Variants in FAM168B observed in about 807,000 individuals in gnomAD.
FAM168B encodes myelin-associated neurite-outgrowth inhibitor.
A neutral mutation model predicts 21.8 loss-of-function variants in FAM168B; 19 were observed. The observed-to-expected ratio is 0.87, with a 90% CI of 0.61 to 1.28. FAM168B has a LOEUF of 1.28. FAM168B is among the 50% of genes most tolerant of loss of function. The pLI is 0.00. For missense variants in FAM168B, 233 were observed against 263.1 expected (o/e 0.89, Z 0.79); for synonymous variants, 126 against 104.8 (o/e 1.20, Z -1.24).
intron 3 of FAM168B, among the ~76,000 whole-genome samples, chr2:131,069,860 C>CT (rs577329026): frequency 5.5e-4 from 76 of 139,448 alleles, no homozygotes; most frequent in South Asian, 1.4e-3. Context: ...CCTCATCAAA[C>CT]TTTTTTTTTT....
At chr2:131,056,891 C>G (rs140387147) in intron 3 of FAM168B, among the ~76,000 whole-genome samples, 1 of 152,294 alleles carries the variant, frequency 6.6e-6, no homozygotes, top group Admixed American at 6.5e-5. Flanking sequence ...TCATCAAAAC[C>G]CCAGCAATGG....
At chr2:131,061,247 G>A (rs1297354360) in intron 3 of FAM168B, among the ~76,000 whole-genome samples, 1 of 147,570 alleles carries the variant, frequency 6.8e-6, no homozygotes, top group East Asian at 2.1e-4. Flanking sequence ...ATGAGCCCAG[G>A]AGTTGAGACG....
chr2:131,078,988 A>C (rs1282948099), intron 2 of FAM168B, among the ~76,000 whole-genome samples: 5 of 147,496 alleles, frequency 3.4e-5, no homozygotes, highest in African/African-American at 7.4e-5. Context: ...CCCTTTCACA[A>C]AAAAAAAAAA....
At chr2:131,089,980 C>A (rs1462101737) in intron 1 of FAM168B, among the ~76,000 whole-genome samples, 1 of 150,906 alleles carries the variant, frequency 6.6e-6, no homozygotes, top group Non-Finnish European at 1.5e-5. Context: ...TTCAGTGAGC[C>A]GAGATCATAC....
Position 131,051,088 on chromosome 2 carries a change from C to T in FAM168B, c.*1377G>A. On this transcript the variant is annotated 3_prime_UTR_variant, in exon 7 of 7. Transcript: ENST00000389915. Reference sequence around the variant, plus strand: ...AATAAACCCTGCCAGCAAACGCACTCCAGCACTGCCTGGCCCTCTCTGCTG... The same window carrying T: ...AATAAACCCTGCCAGCAAACGCACTTCAGCACTGCCTGGCCCTCTCTGCTG... 7 of 985,468 alleles carry T rather than the reference C, an allele frequency of 7.1e-6. No homozygotes were observed. Among genetic ancestry groups the T allele is most frequent in the Non-Finnish European group, 8.4e-6 (7 of 829,970 alleles). 61.0% of individuals were successfully genotyped at this position (985,468 alleles called of 1,614,324 possible). A position where few individuals can be genotyped will look rare whatever the true frequency, so the allele number is the denominator to read the frequency against.
In FAM168B at chr2:131,051,638, A is replaced by T. The variant is rs1691683805; in HGVS notation, c.*827T>A. 1.0e-6 allele frequency: 1 copy of T among 985,276 alleles called. No individual in the cohort carries two copies. Among genetic ancestry groups the T allele is most frequent in the Non-Finnish European group, 1.2e-6 (1 of 829,918 alleles). 61.0% of individuals were successfully genotyped at this position (985,276 alleles called of 1,614,324 possible). A position where few individuals can be genotyped will look rare whatever the true frequency, so the allele number is the denominator to read the frequency against. Reference sequence around the variant, plus strand: ...TCCAATAAAGACATATAAAAACATCATCTCTCTAAGAGAACTGTAATGAAA... The same window carrying T: ...TCCAATAAAGACATATAAAAACATCTTCTCTCTAAGAGAACTGTAATGAAA... On this transcript the variant is annotated 3_prime_UTR_variant, in exon 7 of 7. Coordinates refer to ENST00000389915, the MANE Select transcript of FAM168B (RefSeq NM_001009993.4).
At position 131,072,082 on chromosome 2, in the gene FAM168B, C is replaced by T. The variant is rs895718886; in HGVS notation, c.71-144G>A. The T allele has an allele frequency of 2.7e-5, 18 of 664,922 alleles. 1 individual carries two copies. The highest frequency in any genetic ancestry group is 4.8e-5 in the Non-Finnish European group (18 of 377,614). 41.2% of individuals were successfully genotyped at this position (664,922 alleles called of 1,614,324 possible). ...CAAGAGCACTATGTGTGGCCAACAG[C>T]ATGTCTCTAGTTGTCTTCTTCCCGC... On this transcript the variant is annotated intron_variant, in intron 2 of 6. Transcript: ENST00000389915.
At chr2:131,065,050 A>G (rs1010052199) in intron 3 of FAM168B, among the ~76,000 whole-genome samples, 3 of 152,240 alleles carry the variant, frequency 2.0e-5, no homozygotes, top group African/African-American at 7.2e-5. Context: ...AGCCGTGAAC[A>G]GTGCTGATGC....
intron 2 of FAM168B, among the ~76,000 whole-genome samples, chr2:131,082,002 C>A (rs1693454000): frequency 6.6e-6 from 1 of 152,174 alleles, no homozygotes; most frequent in Non-Finnish European, 1.5e-5. Flanking sequence ...AAGGGAACAA[C>A]CATTTGCTAT....
At chr2:131,091,010 G>A (rs959407574) in intron 1 of FAM168B, among the ~76,000 whole-genome samples, 5 of 152,198 alleles carry the variant, frequency 3.3e-5, no homozygotes, top group African/African-American at 9.6e-5. Context: ...CATTACAGGC[G>A]TGAGCCACCA....
At chr2:131,090,486 T>C (rs75827373) in intron 1 of FAM168B, among the ~76,000 whole-genome samples, 4,225 of 151,956 alleles carry the variant, frequency 0.028, 197 homozygotes, top group African/African-American at 0.096. Flanking sequence ...TTTTAAGAGG[T>C]TTAGATTCAC....
In FAM168B at chr2:131,050,804, G is replaced by C. The variant is rs11691178; in HGVS notation, c.*1661C>G. 1.0e-6 allele frequency: 1 copy of C among 985,366 alleles called. No individual in the cohort carries two copies. The highest frequency in any genetic ancestry group is 1.2e-6 in the Non-Finnish European group (1 of 829,972). 61.0% of individuals were successfully genotyped at this position (985,366 alleles called of 1,614,324 possible). On this transcript the variant is annotated 3_prime_UTR_variant, in exon 7 of 7. Transcript: ENST00000389915. ...CCTGACCCAGCTACCAGCAAATGAAGAGGAGCAGAGCCCCCTCCCCACCAG... is the reference window on the plus strand; with the variant it reads ...CCTGACCCAGCTACCAGCAAATGAACAGGAGCAGAGCCCCCTCCCCACCAG...
chr2:131,063,690 C>T (rs892608218), intron 3 of FAM168B, among the ~76,000 whole-genome samples: 2 of 152,144 alleles, frequency 1.3e-5, no homozygotes, highest in African/African-American at 4.8e-5. Flanking sequence ...GCAGGAGGAT[C>T]GCTCATTGAG....
At chr2:131,070,170 C>T (rs1473481029) in intron 3 of FAM168B, among the ~76,000 whole-genome samples, 1 of 152,102 alleles carries the variant, frequency 6.6e-6, no homozygotes, top group Non-Finnish European at 1.5e-5. Context: ...ACTTTTAAAA[C>T]CCCTGCTCTT....
intron 2 of FAM168B, among the ~76,000 whole-genome samples, chr2:131,074,166 G>A (rs1693021087): frequency 6.6e-6 from 1 of 152,066 alleles, no homozygotes; most frequent in Non-Finnish European, 1.5e-5. Flanking sequence ...GTCTCGCTCT[G>A]TTGCCAGGCT....
chr2:131,085,280 T>A (rs1693632582), intron 1 of FAM168B, among the ~76,000 whole-genome samples: 1 of 152,136 alleles, frequency 6.6e-6, no homozygotes, highest in Admixed American at 6.6e-5. Context: ...TAAGGTTCCA[T>A]CTCTGAAAAA....
In FAM168B at chr2:131,055,390, G is replaced by T. The variant is rs1460367046; in HGVS notation, c.357C>A (p.Thr119=). Residue 119 remains threonine, a synonymous_variant, in exon 5 of 7, where the codon ACC becomes ACA. Coordinates refer to ENST00000389915, the MANE Select transcript of FAM168B (RefSeq NM_001009993.4). The part of the protein sequence containing the change: ...YAAPPHVIHH[T]TVVQPNGMPA... Reference sequence around the variant, plus strand: ...GCATGCCGTTGGGCTGCACCACCGTGGTGTGGTGGATGACGTGAGGAGGTG... The same window carrying T: ...GCATGCCGTTGGGCTGCACCACCGTTGTGTGGTGGATGACGTGAGGAGGTG... 1 of 1,606,572 alleles carries T rather than the reference G, an allele frequency of 6.2e-7. No homozygotes were observed.
intron 3 of FAM168B, among the ~76,000 whole-genome samples, chr2:131,065,387 G>C (rs1336281666): frequency 6.6e-6 from 1 of 152,146 alleles, no homozygotes; most frequent in Non-Finnish European, 1.5e-5. Flanking sequence ...AGACCTCACA[G>C]ACTATTAATA....
chr2:131,073,640 C>T (rs767043828), intron 2 of FAM168B, among the ~76,000 whole-genome samples: 12 of 152,172 alleles, frequency 7.9e-5, no homozygotes, highest in Non-Finnish European at 1.8e-4. Context: ...AAAGCCCTCA[C>T]GAGATGCCAT....
Sources: allele counts gnomAD v4.1 joint callset (sites outside exome capture counted in the v4.1 genomes callset), GRCh38; gene constraint gnomAD v4.1.1; transcripts MANE v1.5; gene names NCBI Gene and HGNC (gene_info 2026-07-23, HGNC 2026-07-21).